XPO4: variants seen among roughly 807,000 people sequenced by gnomAD.
XPO4 encodes the protein exportin-4.
A neutral mutation model predicts 143.0 loss-of-function variants in XPO4; 39 were observed. The ratio of observed to expected loss-of-function variants is 0.27; its 90% confidence interval spans 0.21 to 0.36. The LOEUF (loss-of-function observed/expected upper bound fraction) is 0.36. Among genes scored for constraint, XPO4 ranks in the 10% least tolerant of loss-of-function variants. The probability of loss-of-function intolerance (pLI) is 1.00; values close to 1 mark genes in which losing one functional copy is unlikely to be tolerated. For missense variants in XPO4, 907 were observed against 1,348.0 expected, an observed-to-expected ratio of 0.67 and a Z score of 5.12; for synonymous variants, 439 against 474.0, an observed-to-expected ratio of 0.93 and a Z score of 0.96.
At chr13:20,874,092 T>C (rs1365537843) in intron 1 of XPO4, among the ~76,000 whole-genome samples, 1 of 152,216 alleles carries the variant, frequency 6.6e-6, no homozygotes, top group Non-Finnish European at 1.5e-5. Flanking sequence ...AGCCCATGCT[T>C]TGAACCTCCT....
intron 2 of XPO4, chr13:20,866,094 C>T (rs2138129738): frequency 1.0e-6 from 1 of 985,324 alleles, no homozygotes; most frequent in East Asian, 1.1e-4. Context: ...ATTTCTTTAA[C>T]AAGAACAGAA....
Position 20,842,958 on chromosome 13 carries a change from C to G in XPO4, c.664G>C (p.Val222Leu). ...RENLNAQMSS[V>L]FQRYLALANQ... ...GCGAGTGCAAGGTAACGCTGAAATA[C>G]TGAAGACATCTGAGCATTGAGGTTT... Residue 222 changes from valine to leucine, a missense_variant, in exon 6 of 23, where the codon GTA (valine) becomes CTA (leucine). By Grantham distance (32) the Val-to-Leu change is conservative. Coordinates refer to ENST00000255305, the MANE Select transcript of XPO4 (RefSeq NM_022459.5). The G allele has an allele frequency of 6.2e-7, 1 of 1,613,578 alleles. No homozygotes were observed. The highest frequency in any genetic ancestry group is 8.5e-7 in the Non-Finnish European group (1 of 1,179,608).
At chr13:20,798,935 C>T (rs779797588) in intron 16 of XPO4, among the ~76,000 whole-genome samples, 1 of 151,288 alleles carries the variant, frequency 6.6e-6, no homozygotes, top group East Asian at 1.9e-4. Flanking sequence ...GCAGGAGAAT[C>T]GCTTGAACCT....
intron 9 of XPO4, among the ~76,000 whole-genome samples, chr13:20,811,259 A>G (rs2059578073): frequency 6.6e-6 from 1 of 151,974 alleles, no homozygotes; most frequent in East Asian, 1.9e-4. Flanking sequence ...AAGCCACTGC[A>G]ATGCTTGAAA....
intron 22 of XPO4, 79 bp from the exon 23 acceptor site, chr13:20,783,998 G>T: frequency 6.9e-7 from 1 of 1,442,864 alleles, no homozygotes; most frequent in South Asian, 1.2e-5. Context: ...CTGGACTGTG[G>T]GGTTCTAAAA....
At chr13:20,823,058 G>A (rs1365729840) in intron 7 of XPO4, among the ~76,000 whole-genome samples, 3 of 152,062 alleles carry the variant, frequency 2.0e-5, no homozygotes, top group South Asian at 2.1e-4. Flanking sequence ...TTTCATTTCT[G>A]TAATCTGACA....
rs538049163 is a variant in XPO4, at chr13:20,902,089, T to C, written c.69+581A>G. ...AGGAGCTTAGCACTAGACCAAGTTT[T>C]GCCCCAATGACCTTGGTCTCAACGA... On this transcript the variant is annotated intron_variant, in intron 1 of 22. Transcript: ENST00000255305. 3 of 985,434 alleles carry C rather than the reference T, an allele frequency of 3.0e-6. No individual in the cohort carries two copies. The South Asian group carries it at 1.4e-4, about 46-fold the overall frequency. The allele number at this position is 985,434 out of a possible 1,614,324, so 61.0% of individuals were successfully genotyped here.
At chr13:20,876,172 G>C (rs541054709) in intron 1 of XPO4, among the ~76,000 whole-genome samples, 1 of 144,748 alleles carries the variant, frequency 6.9e-6, no homozygotes, top group African/African-American at 2.6e-5. Context: ...TGAGACAGGA[G>C]AATCACTTGA....
At chr13:20,876,510 T>C (rs2138149670) in intron 1 of XPO4, among the ~76,000 whole-genome samples, 1 of 152,152 alleles carries the variant, frequency 6.6e-6, no homozygotes, top group Admixed American at 6.6e-5. Flanking sequence ...AAGTAGACAG[T>C]TACTCATATT....
rs1440960424 is a variant in XPO4 at position 20,782,276 on chromosome 13, T to A, written c.*1446A>T. 6.6e-6 allele frequency: 1 copy of A among 151,932 alleles called. No individual in the cohort carries two copies. The highest frequency in any genetic ancestry group is 6.6e-5 in the Admixed American group (1 of 15,260). The allele number at this position is 151,932 out of a possible 1,614,324, so 9.4% of individuals were successfully genotyped here. On this transcript the variant is annotated 3_prime_UTR_variant, in exon 23 of 23. Coordinates refer to ENST00000255305, the MANE Select transcript of XPO4 (RefSeq NM_022459.5). ...TGTCAGGAACATGGTGGAAGCAGAGTTTCATGAGTGCACCTGTGCCAGAGT... is the reference window on the plus strand; with the variant it reads ...TGTCAGGAACATGGTGGAAGCAGAGATTCATGAGTGCACCTGTGCCAGAGT...
intron 6 of XPO4, among the ~76,000 whole-genome samples, chr13:20,827,717 A>T (rs910085706): frequency 7.9e-5 from 12 of 152,238 alleles, no homozygotes; most frequent in Non-Finnish European, 1.2e-4. Flanking sequence ...AGGTCACAGT[A>T]TCTAAATATC....
At chr13:20,851,864 C>G in intron 4 of XPO4, 2 of 985,290 alleles carry the variant, frequency 2.0e-6, no homozygotes, top group Non-Finnish European at 2.4e-6. Flanking sequence ...TCTAACTGAA[C>G]AGCTATATCT....
intron 16 of XPO4, among the ~76,000 whole-genome samples, chr13:20,797,389 C>A (rs987062484): frequency 1.3e-5 from 2 of 152,114 alleles, no homozygotes; most frequent in African/African-American, 2.4e-5. Context: ...ACATTTGGCC[C>A]ATGGGCTGCA....
chr13:20,822,892 G>A (rs933167482), intron 7 of XPO4, among the ~76,000 whole-genome samples: 12 of 152,152 alleles, frequency 7.9e-5, no homozygotes, highest in African/African-American at 2.7e-4. Context: ...AATACCAAAT[G>A]TAAATTATAC....
intron 6 of XPO4, among the ~76,000 whole-genome samples, chr13:20,829,674 G>T (rs2059829122): frequency 6.6e-6 from 1 of 152,132 alleles, no homozygotes; most frequent in Admixed American, 6.5e-5. Context: ...TATAAATTTT[G>T]CTACTTCTGG....
intron 4 of XPO4, chr13:20,851,213 T>C: frequency 1.0e-6 from 1 of 985,444 alleles, no homozygotes; most frequent in Non-Finnish European, 1.2e-6. Flanking sequence ...TAGGCCTTCC[T>C]ATTGAGCTAG....
At chr13:20,792,622 C>T (rs2059300442) in intron 18 of XPO4, among the ~76,000 whole-genome samples, 1 of 150,342 alleles carries the variant, frequency 6.7e-6, no homozygotes, top group Non-Finnish European at 1.5e-5. Flanking sequence ...TGGCGGGTTC[C>T]TATAATCCCA....
chr13:20,819,978 C>T (rs2059698978), intron 9 of XPO4, among the ~76,000 whole-genome samples: 1 of 152,196 alleles, frequency 6.6e-6, no homozygotes, highest in Non-Finnish European at 1.5e-5. Flanking sequence ...ACATCCCCAA[C>T]CTGGTTTCTA....
intron 1 of XPO4, among the ~76,000 whole-genome samples, chr13:20,891,415 C>CA (rs1311851417): frequency 1.3e-5 from 2 of 152,178 alleles, no homozygotes; most frequent in Admixed American, 6.5e-5. Context: ...TTATTTGATA[C>CA]ATTAAAGTAC....
Sources: gnomAD v4.1 joint callset for allele counts (sites outside exome capture counted in the v4.1 genomes callset) on GRCh38, gnomAD v4.1.1 for gene constraint, MANE v1.5 for transcripts, NCBI Gene and HGNC (gene_info 2026-07-23, HGNC 2026-07-21) for gene names.